The following LMBR1L variants were observed in gnomAD, a reference collection of about 807,000 sequenced individuals.
LMBR1L encodes protein LMBR1L.
A neutral mutation model predicts 67.3 loss-of-function variants in LMBR1L; 47 were observed. The ratio of observed to expected loss-of-function variants is 0.70; its 90% CI spans 0.55 to 0.89. The LOEUF is 0.89. LMBR1L is among the 40% of genes least tolerant of loss of function. The probability of loss-of-function intolerance (pLI) is 0.00; values close to 1 mark genes in which losing one functional copy is unlikely to be tolerated. For synonymous variants in LMBR1L, 247 were observed against 250.3 expected (o/e 0.99, Z 0.13); for missense variants, 533 against 599.2 (o/e 0.89, Z 1.15).
At chr12:49,103,038 G>A (rs1434908126) in intron 7 of LMBR1L, 53 bp downstream of exon 7, 8 of 1,607,998 alleles carry the variant, frequency 5.0e-6, no homozygotes, top group Admixed American at 1.7e-5. Flanking sequence ...TTCTAGCCTG[G>A]TTACTCTGGT....
intron 14 of LMBR1L, 29 bp downstream of exon 14, chr12:49,100,527 G>C: frequency 1.2e-6 from 2 of 1,610,616 alleles, no homozygotes; most frequent in Non-Finnish European, 1.7e-6. Flanking sequence ...CACACCCCCC[G>C]GGAGCTTCCC....
chr12:49,106,726 C>G lies in LMBR1L; in HGVS notation c.157+235G>C, dbSNP rs10747561. The G allele has an allele frequency of 9.6e-6, 9 of 939,716 alleles. No homozygotes were observed. In the African/African-American group the frequency reaches 9.8e-5, roughly 10 times the overall value. The allele number at this position is 939,716 out of a possible 1,614,324, so 58.2% of individuals were successfully genotyped here. On this transcript the variant is annotated intron_variant, in intron 2 of 16. Transcript: ENST00000267102. The stretch of plus-strand genomic sequence containing the variant: ...ACAATGGAGTAGGTAGACATTGTTA[C>G]GCCCATTTTGTAGGATGAAACTGAG...
chr12:49,100,827 A>G lies in LMBR1L; in HGVS notation c.1083-181T>C, dbSNP rs539638602. 1.4e-3 allele frequency: 838 copies of G among 611,562 alleles called. 10 individuals carry two copies. The highest frequency in any genetic ancestry group is 4.0e-3 in the South Asian group (190 of 47,986). The allele number at this position is 611,562 out of a possible 1,614,324, so 37.9% of individuals were successfully genotyped here. On this transcript the variant is annotated intron_variant, in intron 13 of 16. Transcript: ENST00000267102. ...ACTGCAACCTTGACCTTCTGGGCTT[A>G]AGCGATCTTCCCACGTCAGCCTCCC...
intron 1 of LMBR1L, chr12:49,109,595 T>C (rs1343946515): frequency 4.7e-6 from 2 of 425,516 alleles, no homozygotes; most frequent in African/African-American, 2.1e-5. Flanking sequence ...CCATTCCCTT[T>C]CCATTTACTA....
Position 49,110,618 on chromosome 12 carries a change from A to G in LMBR1L, c.-63T>C. 1 of 1,485,510 alleles carries G rather than the reference A, an allele frequency of 6.7e-7. No homozygotes were observed. The highest frequency in any genetic ancestry group is 9.4e-7 in the Non-Finnish European group (1 of 1,064,990). The allele number at this position is 1,485,510 out of a possible 1,614,324, so 92.0% of individuals were successfully genotyped here. A position where few individuals can be genotyped will look rare whatever the true frequency, so the allele number is the denominator to read the frequency against. The stretch of plus-strand genomic sequence containing the variant: ...GCCCGGGGAGGACGAGCGGGGAGGA[A>G]GCCGCCGCCGCCAAGCACCCAGACC... On this transcript the variant is annotated 5_prime_UTR_variant, in exon 1 of 17. Transcript: ENST00000267102.
intron 11 of LMBR1L, chr12:49,101,818 A>C: frequency 1.7e-6 from 1 of 579,898 alleles, no homozygotes; most frequent in South Asian, 2.2e-5. Flanking sequence ...TCTATAACTG[A>C]GTCCATAGGG....
intron 1 of LMBR1L, 70 bp from the exon 2 acceptor site, chr12:49,107,115 C>CT: frequency 2.0e-6 from 2 of 999,270 alleles, no homozygotes; most frequent in Non-Finnish European, 3.2e-6. Flanking sequence ...AAGGGCCTCT[C>CT]TGTTAATTCC....
chr12:49,100,521 C>A (rs138195319), intron 14 of LMBR1L, 35 bp downstream of exon 14: 5 of 1,606,414 alleles, frequency 3.1e-6, no homozygotes, highest in East Asian at 4.5e-5. Context: ...CCCATCCACA[C>A]CCCCCGGGAG....
chr12:49,103,635 G>T (rs1161744655), intron 6 of LMBR1L, 52 bp downstream of exon 6: 2 of 1,568,788 alleles, frequency 1.3e-6, no homozygotes, highest in African/African-American at 2.7e-5. Context: ...CAGGCAGGGG[G>T]ACATGGGCCA....
chr12:49,097,687 C>T lies in LMBR1L; in HGVS notation c.1455G>A (p.Lys485=), dbSNP rs367823171. 3 of 1,613,618 alleles carry T rather than the reference C, an allele frequency of 1.9e-6. No individual in the cohort carries two copies. The African/African-American group carries it at 4.0e-5, about 22-fold the overall frequency. ...PVSGFPQASR[K]TQHQ Reference sequence around the variant, plus strand: ...CAGCTGGAGGTCACTGGTGCTGGGTCTTCCTAGATGCCTGGGGGAAACCGG... The same window carrying T: ...CAGCTGGAGGTCACTGGTGCTGGGTTTTCCTAGATGCCTGGGGGAAACCGG... The change falls in exon 17 of 17, where the codon AAG becomes AAA. Residue 485 remains lysine (K), a synonymous_variant. Transcript: ENST00000267102.
At chr12:49,099,825 C>T (rs1032378908) in intron 15 of LMBR1L, among the ~76,000 whole-genome samples, 2 of 152,010 alleles carry the variant, frequency 1.3e-5, no homozygotes, top group Non-Finnish European at 2.9e-5. Flanking sequence ...AGGTGATCCG[C>T]CCGCCTTGGC....
intron 2 of LMBR1L, 138 bp from the exon 3 acceptor site, chr12:49,106,095 C>G (rs1282124510): frequency 1.5e-6 from 1 of 676,876 alleles, no homozygotes; most frequent in Non-Finnish European, 2.5e-6. Context: ...CTCCAGGAGA[C>G]CACACATTAT....
intron 3 of LMBR1L, among the ~76,000 whole-genome samples, chr12:49,105,634 T>C (rs1483198555): frequency 6.6e-6 from 1 of 152,096 alleles, no homozygotes; most frequent in East Asian, 1.9e-4. Context: ...CCCTCCCTAT[T>C]GGTCGCTGGG....
rs768604312 is a variant in LMBR1L, at chr12:49,100,465, G to A, written c.1174-11C>T. 1.9e-5 allele frequency: 30 copies of A among 1,613,266 alleles called. No homozygotes were observed. The highest frequency in any genetic ancestry group is 2.4e-5 in the Non-Finnish European group (28 of 1,179,280). On this transcript the variant is annotated splice_polypyrimidine_tract_variant and intron_variant, in intron 14 of 16. Coordinates refer to ENST00000267102, the MANE Select transcript of LMBR1L (RefSeq NM_018113.4). ...ACAGTTCCCAATTATCTGGGTGGAAGCAGGGAAAGGAGAGGTGAGGGTGGA... is the reference window on the plus strand; with the variant it reads ...ACAGTTCCCAATTATCTGGGTGGAAACAGGGAAAGGAGAGGTGAGGGTGGA...
chr12:49,097,413 A>G lies in LMBR1L; in HGVS notation c.*259T>C, dbSNP rs529736311. The G allele has an allele frequency of 2.5e-4, 127 of 516,678 alleles. No homozygotes were observed. The highest frequency in any genetic ancestry group is 2.0e-3 in the African/African-American group (105 of 52,578). 32.0% of individuals were successfully genotyped at this position (516,678 alleles called of 1,614,324 possible). On this transcript the variant is annotated 3_prime_UTR_variant, in exon 17 of 17. Transcript: ENST00000267102. Reference sequence around the variant, plus strand: ...ACAGCAGTGAGGCAGATTGATGTGTAAACAGATTTGGGATCAGGGGCTAGA... The same window carrying G: ...ACAGCAGTGAGGCAGATTGATGTGTGAACAGATTTGGGATCAGGGGCTAGA...
chr12:49,103,280 TGAA>T (rs1940457096), intron 6 of LMBR1L, 121 bp from the exon 7 acceptor site: 6 of 801,736 alleles, frequency 7.5e-6, no homozygotes, highest in South Asian at 1.7e-5. Context: ...TTAATACAAA[TGAA>T]GAAAGCTGGC....
intron 11 of LMBR1L, 71 bp downstream of exon 11, chr12:49,102,049 G>T: frequency 1.5e-6 from 2 of 1,342,430 alleles, no homozygotes; most frequent in Admixed American, 1.7e-5. Flanking sequence ...TCCCTGCATT[G>T]CCTCCCCTCT....
At chr12:49,104,427 G>T in intron 5 of LMBR1L, 21 bp downstream of exon 5, 1 of 1,496,816 alleles carries the variant, frequency 6.7e-7, no homozygotes, top group Non-Finnish European at 9.3e-7. Flanking sequence ...TTTCCTGCCT[G>T]GATACATATC....
Position 49,098,065 on chromosome 12 carries a change from G to A in LMBR1L, c.1281C>T (p.Phe427=), listed in dbSNP as rs758602728. 2 of 1,614,014 alleles carry A rather than the reference G, an allele frequency of 1.2e-6. No homozygotes were observed. The highest frequency in any genetic ancestry group is 1.7e-6 in the Non-Finnish European group (2 of 1,180,028). The part of the protein sequence containing the change: ...RFDLLGDFGR[F]NWLGNFYIVF... ...CAATGTAGAAATTGCCCAGCCAGTTGAAGCGTCCAAAGTCACCCAGCAGGT... is the reference window on the plus strand; with the variant it reads ...CAATGTAGAAATTGCCCAGCCAGTTAAAGCGTCCAAAGTCACCCAGCAGGT... The change falls in exon 16 of 17, where the codon TTC becomes TTT. Residue 427 remains phenylalanine (F), a synonymous_variant. Transcript: ENST00000267102.
Sources: allele counts gnomAD v4.1 joint callset (sites outside exome capture counted in the v4.1 genomes callset), GRCh38; gene constraint gnomAD v4.1.1; transcripts MANE v1.5; gene names NCBI Gene and HGNC (gene_info 2026-07-23, HGNC 2026-07-21).